Variants in POLA1 observed in about 807,000 individuals in gnomAD.
POLA1 encodes the protein DNA polymerase alpha catalytic subunit.
Under a neutral mutation model 124.0 loss-of-function variants are expected in POLA1, and 15 were observed. The observed-to-expected ratio is 0.12, with a 90% CI of 0.08 to 0.19. The LOEUF is 0.19. POLA1 is among the 10% of genes least tolerant of loss of function. The probability of loss-of-function intolerance (pLI) is 1.00; values close to 1 mark genes in which losing one functional copy is unlikely to be tolerated. For synonymous variants in POLA1, 408 were observed against 389.4 expected (o/e 1.05, Z -0.56); for missense variants, 886 against 1,103.4 (o/e 0.80, Z 2.79).
Position 24,922,259 on chromosome X carries a change from G to A in POLA1, c.4165-8194G>A, listed in dbSNP as rs191623543. On this transcript the variant is annotated intron_variant, in intron 35 of 36. Coordinates refer to ENST00000379068, the MANE Select transcript of POLA1 (RefSeq NM_001330360.2). ...CCAACTAGTTTATTTTTTTTTTTTT[G>A]TAGAGATAGGGTCTTGCTATGTAAC... 8.5e-4 allele frequency among the ~76,000 whole-genome samples: 72 copies of A among 84,318 alleles called. 1 individual carries two copies. The East Asian group carries it at 0.018, about 21-fold the overall frequency. 73.2% of individuals were successfully genotyped at this position (84,318 alleles called of 115,157 possible).
At chrX:24,883,679 T>TAG (rs2047030696) in intron 34 of POLA1, among the ~76,000 whole-genome samples, 1 of 112,345 alleles carries the variant, frequency 8.9e-6, no homozygotes, top group African/African-American at 3.2e-5. Flanking sequence ...CAGGCTGACT[T>TAG]CACCTCTTTT....
In POLA1 at chrX:24,841,783, C is replaced by T. The variant is rs2046412605; in HGVS notation, c.3868C>T (p.Pro1290Ser). ...CTGTGAAAGATTCAAATGTCCATGC[C>T]CTACATGTGGAACTGAGAATATTTA... ...RDCERFKCPC[P>S]TCGTENIYDN... The change falls in exon 33 of 37, where the codon CCT becomes TCT. Residue 1290 changes from proline to serine, a missense_variant. Transcript: ENST00000379068. The T allele has an allele frequency of 8.3e-7, 1 of 1,198,186 alleles. No individual in the cohort carries two copies. Among genetic ancestry groups the T allele is most frequent in the Admixed American group, 2.2e-5 (1 of 45,331 alleles).
At chrX:24,703,371 G>A (rs767226286) in intron 3 of POLA1, 24 bp downstream of exon 3, 11 of 1,016,148 alleles carry the variant, frequency 1.1e-5, no homozygotes, top group South Asian at 4.0e-5. Context: ...AGGTGGGGGC[G>A]GGGATGTTGC....
chrX:24,901,606 T>C (rs2047279377), intron 35 of POLA1, among the ~76,000 whole-genome samples: 1 of 111,366 alleles, frequency 9.0e-6, no homozygotes, highest in Non-Finnish European at 1.9e-5. Context: ...CTAAGTTGAC[T>C]GCTTTGACTG....
At chrX:24,730,314 G>A (rs901187818) in intron 15 of POLA1, among the ~76,000 whole-genome samples, 2 of 109,604 alleles carry the variant, frequency 1.8e-5, no homozygotes, top group African/African-American at 3.3e-5. Flanking sequence ...TGCGATCTCC[G>A]CTCACTGCAA....
chrX:24,893,957 C>T (rs761318476), intron 35 of POLA1, among the ~76,000 whole-genome samples: 1 of 111,258 alleles, frequency 9.0e-6, no homozygotes, highest in African/African-American at 3.3e-5. Flanking sequence ...CTTTTTCTGT[C>T]TCTGCCTTCA....
chrX:24,858,305 G>C (rs766420757), intron 34 of POLA1, among the ~76,000 whole-genome samples: 1 of 111,723 alleles, frequency 9.0e-6, no homozygotes, highest in Non-Finnish European at 1.9e-5. Flanking sequence ...GCATAGAAAT[G>C]TCATCTTTCC....
rs1016564644 is a variant in POLA1, at chrX:24,915,432, A to G, written c.4165-15021A>G. Among the ~76,000 whole-genome samples, 7 of 112,034 alleles carry G rather than the reference A, an allele frequency of 6.2e-5. 1 individual carries two copies. On this transcript the variant is annotated intron_variant, in intron 35 of 36. Coordinates refer to ENST00000379068, the MANE Select transcript of POLA1 (RefSeq NM_001330360.2). ...TGGAATTTTTTTACTAGCATTAAAA[A>G]GTGTTTGAAGCTGCATTCTGTGGAT... is the stretch of plus-strand genomic sequence containing the variant.
intron 26 of POLA1, among the ~76,000 whole-genome samples, chrX:24,790,541 T>C (rs2045470630): frequency 9.0e-6 from 1 of 111,198 alleles, no homozygotes. Context: ...TCCATCTCCC[T>C]GGAGCTCCCC....
At position 24,996,283 on chromosome X, in the gene POLA1, ACCCCAGGCTTTG is replaced by A. The variant is rs934970526; in HGVS notation, c.*336_*347del. 1 of 164,617 alleles carries A rather than the reference ACCCCAGGCTTTG, an allele frequency of 6.1e-6. No individual in the cohort carries two copies. The highest frequency in any genetic ancestry group is 3.0e-5 in the African/African-American group (1 of 32,873). The allele number at this position is 164,617 out of a possible 1,213,427, so 13.6% of individuals were successfully genotyped here. A position where few individuals can be genotyped will look rare whatever the true frequency, so the allele number is the denominator to read the frequency against. ...ATTGAGAGTAGCTGGAATGTAAGTG[ACCCCAGGCTTTG>A]CCTCAGGGCCTTTAGCCTATGTCCC... On this transcript the variant is annotated 3_prime_UTR_variant, in exon 37 of 37. Coordinates refer to ENST00000379068, the MANE Select transcript of POLA1 (RefSeq NM_001330360.2).
At chrX:24,925,154 G>A (rs1035590098) in intron 35 of POLA1, among the ~76,000 whole-genome samples, 6 of 112,114 alleles carry the variant, frequency 5.4e-5, no homozygotes, top group Admixed American at 9.4e-5. Context: ...CAGTTATAGC[G>A]AGTGCTGGAT....
At chrX:24,946,913 T>C (rs754888305) in intron 36 of POLA1, among the ~76,000 whole-genome samples, 1 of 111,991 alleles carries the variant, frequency 8.9e-6, no homozygotes, top group Non-Finnish European at 1.9e-5. Flanking sequence ...TATCCATGTA[T>C]GTATACATTC....
intron 26 of POLA1, among the ~76,000 whole-genome samples, chrX:24,765,154 G>A (rs1351262685): frequency 9.0e-6 from 1 of 110,740 alleles, no homozygotes; most frequent in Non-Finnish European, 1.9e-5. Flanking sequence ...CATGAATTCT[G>A]TCCCTCCATA....
chrX:24,936,715 T>C (rs763373416), intron 36 of POLA1, among the ~76,000 whole-genome samples: 10 of 111,415 alleles, frequency 9.0e-5, no homozygotes, highest in African/African-American at 2.6e-4. Flanking sequence ...GTGTTTTTAG[T>C]AGAGATGGGG....
chrX:24,877,294 T>G (rs971431341), intron 34 of POLA1, among the ~76,000 whole-genome samples: 1 of 111,801 alleles, frequency 8.9e-6, no homozygotes, highest in African/African-American at 3.3e-5. Flanking sequence ...GCAGCTGCAT[T>G]TAAGCTGGAG....
intron 34 of POLA1, among the ~76,000 whole-genome samples, chrX:24,851,036 T>G (rs2046553586): frequency 5.4e-5 from 6 of 112,050 alleles, no homozygotes; most frequent in Admixed American, 9.4e-5. Context: ...GATACCAAAC[T>G]GTGCTGTGTT....
rs2046926669 is a variant in POLA1, at chrX:24,876,043, T to G, written c.4048-11963T>G. Among the ~76,000 whole-genome samples, 2 of 112,422 alleles carry G rather than the reference T, an allele frequency of 1.8e-5. 1 individual carries two copies. The highest frequency in any genetic ancestry group is 1.9e-4 in the Admixed American group (2 of 10,605). On this transcript the variant is annotated intron_variant, in intron 34 of 36. Transcript: ENST00000379068. Reference sequence around the variant, plus strand: ...GTAAAAAATTCTGATAAAACTTTTCTAATCGTATTTATTATTGAAAAGATT... The same window carrying G: ...GTAAAAAATTCTGATAAAACTTTTCGAATCGTATTTATTATTGAAAAGATT...
At chrX:24,886,111 C>G (rs528613557) in intron 34 of POLA1, among the ~76,000 whole-genome samples, 2 of 111,997 alleles carry the variant, frequency 1.8e-5, no homozygotes, top group East Asian at 5.6e-4. Context: ...TGTCCCTTCT[C>G]TGTATTGTTA....
At chrX:24,694,149 C>A in intron 1 of POLA1, 145 bp downstream of exon 1, 2 of 601,046 alleles carry the variant, frequency 3.3e-6, no homozygotes, top group African/African-American at 2.3e-5. Context: ...GGCGTCGGAC[C>A]GGGCTTCCTT....
Sources: allele counts gnomAD v4.1 joint callset (sites outside exome capture counted in the v4.1 genomes callset), GRCh38; gene constraint gnomAD v4.1.1; transcripts MANE v1.5; gene names NCBI Gene and HGNC (gene_info 2026-07-23, HGNC 2026-07-21).